SYT7: variants seen among roughly 807,000 people sequenced by gnomAD.
SYT7 encodes synaptotagmin-7.
In SYT7, 29 loss-of-function variants were observed where a neutral mutation model predicts 75.1. That is an observed-to-expected ratio of 0.39 (90% CI 0.29 to 0.53). The LOEUF (loss-of-function observed/expected upper bound fraction) is 0.53. Ranked by LOEUF, SYT7 falls within the 20% of genes least tolerant of loss-of-function variation. The pLI is 0.77. For missense variants in SYT7, 693 were observed against 953.2 expected (o/e 0.73, Z 3.59); for synonymous variants, 376 against 401.7 (o/e 0.94, Z 0.76).
rs765238084 is a variant in SYT7 at position 61,524,488 on chromosome 11, C to T, written c.1516G>A (p.Val506Ile). ...CGGCTGAAGCGGTCATAGTCCAGGACTTGGAGGTAGAGGATCCTCTGCACC... is the reference window on the plus strand; with the variant it reads ...CGGCTGAAGCGGTCATAGTCCAGGATTTGGAGGTAGAGGATCCTCTGCACC... ...KVVQRILYLQVLDYDRFSRND... is the reference protein window; with the variant it reads ...KVVQRILYLQILDYDRFSRND... The change falls in exon 10 of 13, where the codon GTC becomes ATC. Residue 506 changes from valine to isoleucine, a missense_variant. Around this residue, in one of 2 missense-constraint regions of SYT7, gnomAD observed 206 missense variants for 360.0 expected, o/e 0.57. Coordinates refer to ENST00000539008, the MANE Select transcript of SYT7 (RefSeq NM_001365809.2). The surrounding 1 kb of genome is among the most constrained non-coding windows in gnomAD (Gnocchi z 4.1). The T allele has an allele frequency of 8.1e-6, 13 of 1,610,600 alleles. No homozygotes were observed. The African/African-American group carries it at 1.7e-4, about 22-fold the overall frequency.
chr11:61,563,440 T>C (rs1170063118), intron 1 of SYT7, among the ~76,000 whole-genome samples: 1 of 152,218 alleles, frequency 6.6e-6, no homozygotes, highest in Non-Finnish European at 1.5e-5. Flanking sequence ...TGGCAGATAC[T>C]GCGCCATGAA....
At position 61,513,935 on chromosome 11, in the gene SYT7, C is replaced by G. The variant is rs769430595; in HGVS notation, c.*4692G>C. Among the ~76,000 whole-genome samples the G allele has an allele frequency of 3.9e-5, 6 of 152,156 alleles. No homozygotes were observed. The highest frequency in any genetic ancestry group is 7.3e-5 in the Non-Finnish European group (5 of 68,036). ...GCTCAAGGCTTGTCCTTCTGGTTGTCTTTGCGTGGGAGGGAGAGGAGCGCA... is the reference window on the plus strand; with the variant it reads ...GCTCAAGGCTTGTCCTTCTGGTTGTGTTTGCGTGGGAGGGAGAGGAGCGCA... On this transcript the variant is annotated 3_prime_UTR_variant, in exon 13 of 13. Transcript: ENST00000539008.
chr11:61,582,729 G>C (rs1322615476), upstream of SYT7, among the ~76,000 whole-genome samples: 2 of 152,048 alleles, frequency 1.3e-5, no homozygotes, highest in African/African-American at 4.8e-5. Flanking sequence ...CTCACCCTCT[G>C]GGGAAGGGCC....
In SYT7 at chr11:61,517,606, T is replaced by C; in HGVS notation, c.*1021A>G. 2 of 399,026 alleles carry C rather than the reference T, an allele frequency of 5.0e-6. No homozygotes were observed. Among genetic ancestry groups the C allele is most frequent in the South Asian group, 1.3e-4 (1 of 7,936 alleles). The allele number at this position is 399,026 out of a possible 1,614,324, so 24.7% of individuals were successfully genotyped here. ...CAGGCAAGCTGGAAAGCATGGAGAA[T>C]AGGGCAGATGTGGCTGCGTATGAGG... On this transcript the variant is annotated 3_prime_UTR_variant, in exon 13 of 13. Transcript: ENST00000539008.
At chr11:61,588,290 G>A in the SYT7 span, among the ~76,000 whole-genome samples, 3 of 152,206 alleles carry the variant, frequency 2.0e-5, no homozygotes, top group Non-Finnish European at 4.4e-5. Context: ...TGAGCTCCGA[G>A]GGACTGCCAG....
In SYT7 at chr11:61,573,483, C is replaced by T. The variant is rs553903270; in HGVS notation, c.31+7307G>A. ...TATGTTAATGGCTGAGATTCTAGCTCCATCTACCCACCTGCCTCCTGACTT... is the reference window on the plus strand; with the variant it reads ...TATGTTAATGGCTGAGATTCTAGCTTCATCTACCCACCTGCCTCCTGACTT... On this transcript the variant is annotated intron_variant, in intron 1 of 12. Transcript: ENST00000539008. 1.1e-4 allele frequency among the ~76,000 whole-genome samples: 16 copies of T among 152,320 alleles called. No homozygotes were observed. In the South Asian group the frequency reaches 2.7e-3, roughly 26 times the overall value.
At chr11:61,526,761 C>A (rs1366637377) in intron 9 of SYT7, among the ~76,000 whole-genome samples, 3 of 152,160 alleles carry the variant, frequency 2.0e-5, no homozygotes, top group African/African-American at 4.8e-5. Flanking sequence ...TCTAAACGGG[C>A]CCTCATGGTG....
intron 5 of SYT7, 44 bp downstream of exon 5, chr11:61,545,987 G>A (rs890688079): frequency 2.6e-6 from 4 of 1,511,234 alleles, no homozygotes; most frequent in Non-Finnish European, 3.5e-6. Context: ...GGCAGGGCAG[G>A]CCTGAGCTCA....
Position 61,580,919 on chromosome 11 carries a change from GGGGCGGGTCCGA to G in SYT7, c.-111_-100del, listed in dbSNP as rs1400156903. Reference sequence around the variant, plus strand: ...TGGGCATGGGGCCGGGCGACCCCCGGGGGCGGGTCCGAGGGCGGGGGCCGAGCGGGCTGCACC... The same window carrying G: ...TGGGCATGGGGCCGGGCGACCCCCGGGGGCGGGGGCCGAGCGGGCTGCACC... On this transcript the variant is annotated 5_prime_UTR_variant, in exon 1 of 13. Transcript: ENST00000539008. This position sits in a 1 kb window ranked among gnomAD's most constrained non-coding sequence, Gnocchi z 6.1. The G allele has an allele frequency of 5.7e-6, 6 of 1,060,008 alleles. No individual in the cohort carries two copies. In the African/African-American group the frequency reaches 1.0e-4, roughly 18 times the overall value. The allele number at this position is 1,060,008 out of a possible 1,614,324, so 65.7% of individuals were successfully genotyped here. A position where few individuals can be genotyped will look rare whatever the true frequency, so the allele number is the denominator to read the frequency against.
rs961748457 is a variant in SYT7, at chr11:61,514,149, C to T, written c.*4478G>A. Reference sequence around the variant, plus strand: ...AAGGCAAAAAGTCCAGGGAAGGGCCCGAGCCAGTGGCAAGGGACTGCCCCC... The same window carrying T: ...AAGGCAAAAAGTCCAGGGAAGGGCCTGAGCCAGTGGCAAGGGACTGCCCCC... On this transcript the variant is annotated 3_prime_UTR_variant, in exon 13 of 13. Coordinates refer to ENST00000539008, the MANE Select transcript of SYT7 (RefSeq NM_001365809.2). Among the ~76,000 whole-genome samples the T allele has an allele frequency of 1.3e-5, 2 of 152,104 alleles. No homozygotes were observed. Among genetic ancestry groups the T allele is most frequent in the Non-Finnish European group, 2.9e-5 (2 of 67,982 alleles).
At chr11:61,545,552 G>T (rs1375164237) in intron 5 of SYT7, among the ~76,000 whole-genome samples, 1 of 152,252 alleles carries the variant, frequency 6.6e-6, no homozygotes, top group African/African-American at 2.4e-5. Context: ...AAATGGAATG[G>T]CTCAACTTCT....
At position 61,542,966 on chromosome 11, in the gene SYT7, G is replaced by A. The variant is rs1043014143; in HGVS notation, c.573-387C>T. ...CTGTCATGTTGGAGTGGGAGGGGTA[G>A]AGGGAGCTGCTGTGGCCCCTCCCGC... On this transcript the variant is annotated intron_variant, in intron 5 of 12. Coordinates refer to ENST00000539008, the MANE Select transcript of SYT7 (RefSeq NM_001365809.2). This position sits in a 1 kb window ranked among gnomAD's most constrained non-coding sequence, Gnocchi z 7.8. Among the ~76,000 whole-genome samples the A allele has an allele frequency of 4.6e-5, 7 of 152,352 alleles. No individual in the cohort carries two copies. Among genetic ancestry groups the A allele is most frequent in the African/African-American group, 1.7e-4 (7 of 41,584 alleles).
rs762363781 is a variant in SYT7 at position 61,533,143 on chromosome 11, A to G, written c.1065-19T>C. On this transcript the variant is annotated intron_variant, in intron 7 of 12. Transcript: ENST00000539008. ...AGGCAACCTGAGGGCAGGGGAGTCCAAATGAGATTGGGCTGGGAAGTGAGC... is the reference window on the plus strand; with the variant it reads ...AGGCAACCTGAGGGCAGGGGAGTCCGAATGAGATTGGGCTGGGAAGTGAGC... 1 of 1,564,878 alleles carries G rather than the reference A, an allele frequency of 6.4e-7. No individual in the cohort carries two copies. Among genetic ancestry groups the G allele is most frequent in the Non-Finnish European group, 8.7e-7 (1 of 1,156,040 alleles).
At chr11:61,584,035 C>T (rs2064334064), upstream of SYT7, among the ~76,000 whole-genome samples, 1 of 152,198 alleles carries the variant, frequency 6.6e-6, no homozygotes. Flanking sequence ...GGAATAATAA[C>T]ACCTATTTCC....
chr11:61,582,643 G>A (rs939884544), upstream of SYT7, among the ~76,000 whole-genome samples: 2 of 152,174 alleles, frequency 1.3e-5, no homozygotes, highest in Admixed American at 6.5e-5. Context: ...GGGAATGAAT[G>A]TTCTACATAA....
intron 1 of SYT7, among the ~76,000 whole-genome samples, chr11:61,567,112 A>G (rs1178586533): frequency 2.0e-5 from 3 of 152,164 alleles, no homozygotes; most frequent in Non-Finnish European, 4.4e-5. Flanking sequence ...CAGGACAGAG[A>G]TAACTAGTGG....
chr11:61,552,457 C>T (rs901677961), intron 2 of SYT7, among the ~76,000 whole-genome samples: 1 of 138,680 alleles, frequency 7.2e-6, no homozygotes, highest in Non-Finnish European at 1.5e-5. Flanking sequence ...CGGCTGCACA[C>T]ACACACACAC....
intron 1 of SYT7, among the ~76,000 whole-genome samples, chr11:61,568,066 G>A (rs1399528496): frequency 1.3e-5 from 2 of 152,102 alleles, no homozygotes; most frequent in African/African-American, 4.8e-5. Flanking sequence ...GAACACAAAG[G>A]CCTCCCCCAG....
At chr11:61,525,534 C>G (rs1165870742) in intron 9 of SYT7, among the ~76,000 whole-genome samples, 1 of 152,194 alleles carries the variant, frequency 6.6e-6, no homozygotes, top group Non-Finnish European at 1.5e-5. Flanking sequence ...TCTCAGCATT[C>G]TTTCCTGGCA....
Sources: allele counts gnomAD v4.1 joint callset (sites outside exome capture counted in the v4.1 genomes callset), GRCh38; gene constraint gnomAD v4.1.1; regional missense constraint gnomAD v4.1.1; non-coding constraint Gnocchi (gnomAD v3.1); transcripts MANE v1.5; gene names NCBI Gene and HGNC (gene_info 2026-07-23, HGNC 2026-07-21).